Variants in RGL1 observed in about 807,000 individuals in gnomAD.
The protein encoded by RGL1 is ral guanine nucleotide dissociation stimulator like 1.
In RGL1, 24 loss-of-function variants were observed where a neutral mutation model predicts 95.2. The observed-to-expected ratio is 0.25, with a 90% CI of 0.18 to 0.35. The LOEUF is 0.35. Ranked by LOEUF, RGL1 falls within the 10% of genes least tolerant of loss-of-function variation. The pLI is 1.00. For synonymous variants in RGL1, 329 were observed against 344.9 expected, an observed-to-expected ratio of 0.95 and a Z score of 0.51; for missense variants, 715 against 936.3, an observed-to-expected ratio of 0.76 and a Z score of 3.08.
In RGL1 at chr1:183,660,022, C is replaced by A. The variant is rs544378446; in HGVS notation, c.-33+23521C>A. Reference sequence around the variant, plus strand: ...AAGCAAATGCTGAGAGATTTTGTCACCACCAGGCCTGCCCTAAAAGAGCTC... The same window carrying A: ...AAGCAAATGCTGAGAGATTTTGTCAACACCAGGCCTGCCCTAAAAGAGCTC... On this transcript the variant is annotated intron_variant, in intron 1 of 18. Transcript: ENST00000304685. Among the ~76,000 whole-genome samples the A allele has an allele frequency of 8.0e-3, 1,217 of 152,078 alleles. 18 individuals are homozygous for A. The highest frequency in any genetic ancestry group is 0.027 in the African/African-American group (1,126 of 41,424).
intron 3 of RGL1, among the ~76,000 whole-genome samples, chr1:183,858,730 C>T (rs925043998): frequency 2.0e-5 from 3 of 152,086 alleles, no homozygotes; most frequent in Admixed American, 1.3e-4. Context: ...ATAATGCTGT[C>T]AGGCCCCTAG....
chr1:183,866,739 G>A (rs1220843773), intron 4 of RGL1, among the ~76,000 whole-genome samples: 2 of 152,192 alleles, frequency 1.3e-5, no homozygotes, highest in Non-Finnish European at 2.9e-5. Context: ...GAGTGCTGTG[G>A]CCTGACACAT....
At chr1:183,670,259 T>C (rs1237112414) in intron 1 of RGL1, among the ~76,000 whole-genome samples, 1 of 152,220 alleles carries the variant, frequency 6.6e-6, no homozygotes, top group Non-Finnish European at 1.5e-5. Context: ...GGGTTGGCTA[T>C]TTCCCTTTCC....
chr1:183,746,050 T>C (rs918736232), intron 2 of RGL1, among the ~76,000 whole-genome samples: 2 of 152,106 alleles, frequency 1.3e-5, no homozygotes, highest in African/African-American at 4.8e-5. Context: ...AGTGCTTATT[T>C]TTTAACATTA....
chr1:183,758,198 A>ATTTT (rs56900976), intron 2 of RGL1, among the ~76,000 whole-genome samples: 1 of 144,036 alleles, frequency 6.9e-6, no homozygotes, highest in Non-Finnish European at 1.5e-5. Context: ...AAACGATAGA[A>ATTTT]TTTTTTTTTT....
At chr1:183,643,740 CG>C (rs1346310971) in intron 1 of RGL1, among the ~76,000 whole-genome samples, 1 of 152,268 alleles carries the variant, frequency 6.6e-6, no homozygotes, top group East Asian at 1.9e-4. Context: ...CATGAACCAC[CG>C]TGCTTGGCCA....
chr1:183,855,810 T>C (rs893512870), intron 3 of RGL1, among the ~76,000 whole-genome samples: 1 of 152,250 alleles, frequency 6.6e-6, no homozygotes, highest in Admixed American at 6.5e-5. Context: ...AAACTCATAA[T>C]TTGATTTTTT....
chr1:183,744,914 T>G (rs1257094472), intron 2 of RGL1, among the ~76,000 whole-genome samples: 1 of 152,204 alleles, frequency 6.6e-6, no homozygotes, highest in African/African-American at 2.4e-5. Context: ...GCATGCTGAG[T>G]TGTAAAGTAT....
chr1:183,714,931 G>C (rs142483453), intron 1 of RGL1, among the ~76,000 whole-genome samples: 2,425 of 152,244 alleles, frequency 0.016, 35 homozygotes, highest in Non-Finnish European at 0.024. Flanking sequence ...AACTGGGGTG[G>C]AGTGAGGAAG....
intron 2 of RGL1, among the ~76,000 whole-genome samples, chr1:183,792,628 A>G (rs1660490817): frequency 6.6e-6 from 1 of 152,164 alleles, no homozygotes; most frequent in African/African-American, 2.4e-5. Flanking sequence ...AGGATACAAA[A>G]TCAACATACA....
intron 1 of RGL1, among the ~76,000 whole-genome samples, chr1:183,730,909 T>C (rs1656592897): frequency 6.6e-6 from 1 of 152,168 alleles, no homozygotes; most frequent in African/African-American, 2.4e-5. Flanking sequence ...TCGAATTCCT[T>C]TTAAGGGCAC....
chr1:183,683,091 A>C (rs1005670994), intron 1 of RGL1, among the ~76,000 whole-genome samples: 1 of 152,088 alleles, frequency 6.6e-6, no homozygotes, highest in African/African-American at 2.4e-5. Context: ...GGTCTCTTGA[A>C]TACAGCACAC....
intron 2 of RGL1, among the ~76,000 whole-genome samples, chr1:183,812,793 C>T (rs768549721): frequency 6.6e-6 from 1 of 152,064 alleles, no homozygotes; most frequent in Non-Finnish European, 1.5e-5. Context: ...AACTAGAGAG[C>T]ACAGCCTGTG....
intron 2 of RGL1, among the ~76,000 whole-genome samples, chr1:183,768,461 CT>C (rs71130639): frequency 0.026 from 2,199 of 83,840 alleles, 36 homozygotes; most frequent in African/African-American, 0.086. Context: ...CTTTAGATAA[CT>C]TTTTTTTTTT....
At chr1:183,691,047 A>G (rs1332953218) in intron 1 of RGL1, among the ~76,000 whole-genome samples, 2 of 152,174 alleles carry the variant, frequency 1.3e-5, no homozygotes, top group Admixed American at 6.5e-5. Context: ...TGGAACTTTA[A>G]AAAATAAAAA....
At chr1:183,806,633 G>T in intron 2 of RGL1, 148 bp downstream of exon 2, 1 of 609,220 alleles carries the variant, frequency 1.6e-6, no homozygotes, top group Non-Finnish European at 2.9e-6. Flanking sequence ...GTTTGCACTA[G>T]CTGAACAGGT....
intron 1 of RGL1, among the ~76,000 whole-genome samples, chr1:183,691,794 T>C (rs1259466141): frequency 6.6e-6 from 1 of 152,156 alleles, no homozygotes; most frequent in Non-Finnish European, 1.5e-5. Flanking sequence ...TTTTGATTTA[T>C]AAACCTGAAA....
chr1:183,679,531 G>GA (rs1008933011), intron 1 of RGL1, among the ~76,000 whole-genome samples: 1 of 127,384 alleles, frequency 7.9e-6, no homozygotes, highest in Non-Finnish European at 1.6e-5. Context: ...ATGAGAATGA[G>GA]AAAAAAAGAA....
intron 1 of RGL1, among the ~76,000 whole-genome samples, chr1:183,732,077 C>T (rs12078827): frequency 2.0e-5 from 3 of 152,110 alleles, no homozygotes; most frequent in African/African-American, 4.8e-5. Context: ...GGAAACTACA[C>T]GTCATGTCCC....
Sources: gnomAD v4.1 joint callset for allele counts (sites outside exome capture counted in the v4.1 genomes callset) on GRCh38, gnomAD v4.1.1 for gene constraint, MANE v1.5 for transcripts, NCBI Gene and HGNC (gene_info 2026-07-23, HGNC 2026-07-21) for gene names.